ITGB6: variants seen among roughly 807,000 people sequenced by gnomAD.
The protein encoded by ITGB6 is integrin subunit beta 6.
Under a neutral mutation model 84.5 loss-of-function variants are expected in ITGB6, and 80 were observed. That is an observed-to-expected ratio of 0.95 (90% confidence interval 0.79 to 1.14). ITGB6 has a LOEUF of 1.14. ITGB6 is among the 50% of genes most tolerant of loss of function. The probability of loss-of-function intolerance (pLI) is 0.00; values close to 1 mark genes in which losing one functional copy is unlikely to be tolerated. For synonymous variants in ITGB6, 383 were observed against 354.9 expected, an observed-to-expected ratio of 1.08 and a Z score of -0.89; for missense variants, 1,006 against 968.0, an observed-to-expected ratio of 1.04 and a Z score of -0.52.
chr2:160,154,404 A>G (rs1684546140), intron 7 of ITGB6, among the ~76,000 whole-genome samples: 1 of 142,530 alleles, frequency 7.0e-6, no homozygotes, highest in Admixed American at 7.0e-5. Flanking sequence ...GGACCCAGGA[A>G]GGGGAACATC....
chr2:160,156,838 C>T (rs902256595), intron 7 of ITGB6, among the ~76,000 whole-genome samples: 5 of 152,210 alleles, frequency 3.3e-5, no homozygotes. Flanking sequence ...TTAACCACAT[C>T]ACTTCTGTTA....
chr2:160,133,126 A>G (rs1297864240), intron 10 of ITGB6, among the ~76,000 whole-genome samples: 1 of 152,168 alleles, frequency 6.6e-6, no homozygotes, highest in Non-Finnish European at 1.5e-5. Flanking sequence ...GGCAAATTGG[A>G]TAAAGAGTCA....
chr2:160,167,617 C>T (rs773505015), intron 7 of ITGB6, among the ~76,000 whole-genome samples: 7 of 152,160 alleles, frequency 4.6e-5, no homozygotes, highest in Non-Finnish European at 1.0e-4. Flanking sequence ...CTGGCATTTT[C>T]CTCGGAAATG....
rs138959665 is a variant in ITGB6, at chr2:160,149,827, A to C, written c.1018-7756T>G. Among the ~76,000 whole-genome samples the C allele has an allele frequency of 8.7e-3, 1,330 of 152,312 alleles. 28 individuals are homozygous for C. The highest frequency in any genetic ancestry group is 0.031 in the African/African-American group (1,284 of 41,572). Reference sequence around the variant, plus strand: ...TGATGCATGCACAAGCTTCAATAGCAGGTTCAATCAAGTGGAAGAAAGGGT... The same window carrying C: ...TGATGCATGCACAAGCTTCAATAGCCGGTTCAATCAAGTGGAAGAAAGGGT... On this transcript the variant is annotated intron_variant, in intron 7 of 14. Coordinates refer to ENST00000283249, the MANE Select transcript of ITGB6 (RefSeq NM_000888.5).
intron 7 of ITGB6, among the ~76,000 whole-genome samples, chr2:160,154,730 T>C (rs1409099327): frequency 6.6e-6 from 1 of 151,966 alleles, no homozygotes; most frequent in African/African-American, 2.4e-5. Flanking sequence ...GGTACATTCA[T>C]CAAATGAAAC....
chr2:160,135,870 G>A (rs1297112994), intron 10 of ITGB6, among the ~76,000 whole-genome samples: 1 of 152,120 alleles, frequency 6.6e-6, no homozygotes, highest in African/African-American at 2.4e-5. Flanking sequence ...GCTGAAACTG[G>A]ATCCCTTCCT....
Position 160,196,245 on chromosome 2 carries a change from G to A in ITGB6, c.317C>T (p.Pro106Leu), listed in dbSNP as rs753334452. ...TCTCAACTTAAGGATCAAGCTTTGAGGCGCAATCTGAACAATGTCAGAACT... is the reference window on the plus strand; with the variant it reads ...TCTCAACTTAAGGATCAAGCTTTGAAGCGCAATCTGAACAATGTCAGAACT... Reference protein sequence around the residue: ...KNSSDIVQIAPQSLILKLRPG... With the variant: ...KNSSDIVQIALQSLILKLRPG... The change falls in exon 3 of 15, where the codon CCT becomes CTT. Residue 106 changes from proline to leucine, a missense_variant. By Grantham distance (98) the Pro-to-Leu change is moderately conservative. Coordinates refer to ENST00000283249, the MANE Select transcript of ITGB6 (RefSeq NM_000888.5). The A allele has an allele frequency of 2.5e-6, 4 of 1,613,970 alleles. No individual in the cohort carries two copies. The South Asian group carries it at 4.4e-5, about 18-fold the overall frequency.
chr2:160,193,828 T>G (rs1046112771), intron 4 of ITGB6, among the ~76,000 whole-genome samples: 5 of 152,170 alleles, frequency 3.3e-5, no homozygotes, highest in African/African-American at 1.2e-4. Flanking sequence ...ATACTACCCC[T>G]GAATGGCCTT....
In ITGB6 at chr2:160,199,162, G is replaced by C; in HGVS notation, c.141+17C>G. 6.2e-7 allele frequency: 1 copy of C among 1,600,032 alleles called. No homozygotes were observed. The highest frequency in any genetic ancestry group is 8.6e-7 in the Non-Finnish European group (1 of 1,167,332). ...TGCAGACAGGTTTTAAAAACACATT[G>C]AGGTCATTTATTTTACCTCCTGAGC... On this transcript the variant is annotated intron_variant, in intron 2 of 14. Transcript: ENST00000283249.
intron 14 of ITGB6, among the ~76,000 whole-genome samples, 183 bp downstream of exon 14, chr2:160,107,496 A>G (rs965703346): frequency 6.6e-6 from 1 of 152,166 alleles, no homozygotes; most frequent in Non-Finnish European, 1.5e-5. Flanking sequence ...ATAAGCTATG[A>G]GGGTCATCTG....
intron 7 of ITGB6, 89 bp downstream of exon 7, chr2:160,169,123 C>T: frequency 1.4e-6 from 1 of 739,514 alleles, no homozygotes; most frequent in Non-Finnish European, 2.3e-6. Flanking sequence ...ATCTAATGGC[C>T]TTCCCATGTG....
chr2:160,115,732 C>A (rs555460818), intron 12 of ITGB6, among the ~76,000 whole-genome samples: 112 of 152,160 alleles, frequency 7.4e-4, no homozygotes, highest in South Asian at 2.9e-3. Flanking sequence ...GGAGGAAATT[C>A]AAATCAATGG....
chr2:160,123,748 G>C (rs765248858), intron 12 of ITGB6, 43 bp downstream of exon 12: 1 of 1,478,424 alleles, frequency 6.8e-7, no homozygotes, highest in Non-Finnish European at 9.4e-7. Context: ...CGCCTCTCAA[G>C]AACTACATAA....
At chr2:160,168,338 G>A (rs1431765637) in intron 7 of ITGB6, among the ~76,000 whole-genome samples, 1 of 152,162 alleles carries the variant, frequency 6.6e-6, no homozygotes, top group Non-Finnish European at 1.5e-5. Flanking sequence ...GCCCTGTGAA[G>A]TCACCAAGCA....
At chr2:160,124,175 A>G (rs1471577452) in intron 11 of ITGB6, among the ~76,000 whole-genome samples, 1 of 152,240 alleles carries the variant, frequency 6.6e-6, no homozygotes, top group Non-Finnish European at 1.5e-5. Flanking sequence ...CAAACAAATA[A>G]TCAAAGAAAA....
intron 12 of ITGB6, among the ~76,000 whole-genome samples, chr2:160,114,942 TG>T (rs1471042663): frequency 3.3e-5 from 5 of 152,078 alleles, no homozygotes; most frequent in Non-Finnish European, 5.9e-5. Flanking sequence ...GCAGCGAGGC[TG>T]GGGGAGGGGC....
chr2:160,188,312 G>A (rs756294020), intron 4 of ITGB6, among the ~76,000 whole-genome samples: 1 of 152,154 alleles, frequency 6.6e-6, no homozygotes, highest in Non-Finnish European at 1.5e-5. Context: ...AAGAGAGTTA[G>A]GGCTATAATG....
At chr2:160,107,621 T>C in intron 14 of ITGB6, 58 bp downstream of exon 14, 1 of 1,520,030 alleles carries the variant, frequency 6.6e-7, no homozygotes, top group Non-Finnish European at 9.1e-7. Context: ...AGCCCCTCAA[T>C]CTCTTCCACC....
chr2:160,103,884 T>C (rs1450222872), intron 14 of ITGB6, among the ~76,000 whole-genome samples: 3 of 152,244 alleles, frequency 2.0e-5, no homozygotes, highest in African/African-American at 7.2e-5. Context: ...CAGATACTTG[T>C]TTGTAGGTGC....
Sources: gnomAD v4.1 joint callset for allele counts (sites outside exome capture counted in the v4.1 genomes callset) on GRCh38, gnomAD v4.1.1 for gene constraint, MANE v1.5 for transcripts, NCBI Gene and HGNC (gene_info 2026-07-23, HGNC 2026-07-21) for gene names.